The following KCNN2 variants were observed in gnomAD, a reference collection of about 807,000 sequenced individuals.
KCNN2 encodes the protein potassium calcium-activated channel subfamily N member 2, also known as small conductance calcium-activated potassium channel protein 2.
Under a neutral mutation model 55.5 loss-of-function variants are expected in KCNN2, and 24 were observed. The ratio of observed to expected loss-of-function variants is 0.43; its 90% confidence interval spans 0.31 to 0.61. The LOEUF is 0.61. Among genes scored for constraint, KCNN2 ranks in the 20% least tolerant of loss-of-function variants. KCNN2 has a pLI of 0.08. For synonymous variants in KCNN2, 431 were observed against 336.1 expected (o/e 1.28, Z -3.09); for missense variants, 754 against 853.6 (o/e 0.88, Z 1.45).
chr5:114,401,184 C>T (rs988051282), intron 2 of KCNN2, among the ~76,000 whole-genome samples: 1 of 151,844 alleles, frequency 6.6e-6, no homozygotes, highest in Non-Finnish European at 1.5e-5. Flanking sequence ...TCCTCAATTT[C>T]AGCATTAAAA....
chr5:114,442,291 G>T (rs754637702), intron 3 of KCNN2, among the ~76,000 whole-genome samples: 4 of 151,344 alleles, frequency 2.6e-5, no homozygotes, highest in African/African-American at 4.9e-5. Context: ...TATATAGAGA[G>T]AGAGAGTCAA....
chr5:114,257,591 T>C (rs1755010025), intron 2 of KCNN2, among the ~76,000 whole-genome samples: 1 of 152,014 alleles, frequency 6.6e-6, no homozygotes. Flanking sequence ...GTGTATTCCT[T>C]GATTTTTTAT....
chr5:114,486,523 G>A (rs539736615), intron 5 of KCNN2: 80 of 268,296 alleles, frequency 3.0e-4, no homozygotes, highest in Non-Finnish European at 4.8e-4. Flanking sequence ...GTTAATTAAA[G>A]TATACTAACA....
intron 3 of KCNN2, 25 bp downstream of exon 3, chr5:114,404,881 A>C (rs1379638099): frequency 6.3e-7 from 1 of 1,577,342 alleles, no homozygotes; most frequent in African/African-American, 1.4e-5. Flanking sequence ...TTTCCTGAGA[A>C]CATAATTTAC....
intron 5 of KCNN2, chr5:114,486,771 A>T: frequency 2.3e-6 from 3 of 1,322,712 alleles, no homozygotes; most frequent in South Asian, 1.3e-5. Context: ...AAAAAAAAAA[A>T]ATAGTTGAAT....
At chr5:114,382,341 A>G (rs1302431910) in intron 2 of KCNN2, among the ~76,000 whole-genome samples, 1 of 152,180 alleles carries the variant, frequency 6.6e-6, no homozygotes, top group Non-Finnish European at 1.5e-5. Flanking sequence ...TGTGATATAC[A>G]GCCATTGGAG....
intron 3 of KCNN2, among the ~76,000 whole-genome samples, chr5:114,415,501 T>TA (rs1317513761): frequency 1.3e-5 from 2 of 152,224 alleles, no homozygotes; most frequent in African/African-American, 4.8e-5. Flanking sequence ...AATATACACA[T>TA]ATGTGTATGT....
At chr5:114,351,516 C>T (rs1487217534) in intron 2 of KCNN2, among the ~76,000 whole-genome samples, 1 of 151,662 alleles carries the variant, frequency 6.6e-6, no homozygotes, top group Non-Finnish European at 1.5e-5. Context: ...ATTGTTCTCT[C>T]ATATCGATCT....
At chr5:114,447,993 G>C (rs1372164266) in intron 3 of KCNN2, among the ~76,000 whole-genome samples, 3 of 152,148 alleles carry the variant, frequency 2.0e-5, no homozygotes. Context: ...AAAGCTACAT[G>C]ATCTATTTGT....
chr5:114,080,733 A>C (rs1250685651), intron 1 of KCNN2, among the ~76,000 whole-genome samples: 1 of 152,198 alleles, frequency 6.6e-6, no homozygotes, highest in East Asian at 1.9e-4. Flanking sequence ...ATGATACTCA[A>C]TAATGAAAGA....
intron 3 of KCNN2, chr5:114,433,812 A>C (rs531299260): frequency 6.5e-6 from 1 of 153,758 alleles, no homozygotes; most frequent in Non-Finnish European, 1.4e-5. Flanking sequence ...ACACATCCGA[A>C]CATCAGAAGG....
chr5:114,488,711 C>T (rs966885619), intron 6 of KCNN2, among the ~76,000 whole-genome samples: 1 of 152,150 alleles, frequency 6.6e-6, no homozygotes, highest in Admixed American at 6.5e-5. Flanking sequence ...AAGGCACTCA[C>T]CTCACACAAC....
intron 2 of KCNN2, among the ~76,000 whole-genome samples, chr5:114,286,206 A>C (rs1400524228): frequency 6.6e-6 from 1 of 152,192 alleles, no homozygotes; most frequent in Non-Finnish European, 1.5e-5. Context: ...GCTGGATTTA[A>C]GTTTGAATGA....
At chr5:114,458,779 A>G (rs2150111096) in intron 3 of KCNN2, among the ~76,000 whole-genome samples, 1 of 152,354 alleles carries the variant, frequency 6.6e-6, no homozygotes, top group East Asian at 1.9e-4. Flanking sequence ...CATGCTGACC[A>G]AAAGCTACAG....
intron 2 of KCNN2, among the ~76,000 whole-genome samples, chr5:114,233,588 G>A (rs986568803): frequency 2.0e-5 from 3 of 151,992 alleles, no homozygotes; most frequent in African/African-American, 4.8e-5. Context: ...GTGGGAAACC[G>A]CTTTCTTTTT....
At chr5:114,249,125 C>CAAA (rs1451331634) in intron 2 of KCNN2, among the ~76,000 whole-genome samples, 1 of 151,990 alleles carries the variant, frequency 6.6e-6, no homozygotes, top group African/African-American at 2.4e-5. Flanking sequence ...AATAGACAAT[C>CAAA]AAAATAGCAA....
At chr5:114,066,706 A>C (rs1750459590) in intron 1 of KCNN2, among the ~76,000 whole-genome samples, 1 of 152,110 alleles carries the variant, frequency 6.6e-6, no homozygotes, top group Admixed American at 6.5e-5. Flanking sequence ...CAGCCTCCCA[A>C]GTAGCTGGGA....
intron 1 of KCNN2, among the ~76,000 whole-genome samples, chr5:114,088,518 T>G (rs2112551198): frequency 6.6e-6 from 1 of 152,296 alleles, no homozygotes; most frequent in African/African-American, 2.4e-5. Context: ...AACACTTGAT[T>G]AGTATCTATT....
At chr5:114,223,801 T>C (rs951459680) in intron 2 of KCNN2, among the ~76,000 whole-genome samples, 5 of 152,144 alleles carry the variant, frequency 3.3e-5, no homozygotes, top group Non-Finnish European at 7.4e-5. Flanking sequence ...GGGGTGTTGC[T>C]GAGTTGTGAT....
Sources: allele counts gnomAD v4.1 joint callset (sites outside exome capture counted in the v4.1 genomes callset), GRCh38; gene constraint gnomAD v4.1.1; transcripts MANE v1.5; gene names NCBI Gene and HGNC (gene_info 2026-07-23, HGNC 2026-07-21).